AMZ1: variants seen among roughly 807,000 people sequenced by gnomAD.
The protein encoded by AMZ1 is archaelysin family metallopeptidase 1.
In AMZ1, 39 loss-of-function variants were observed where a neutral mutation model predicts 29.9. That is an observed-to-expected ratio of 1.30 (90% CI 1.01 to 1.70). The LOEUF is 1.70. Ranked by LOEUF, AMZ1 falls within the 40% of genes most tolerant of loss-of-function variation. AMZ1 has a pLI of 0.00. For synonymous variants in AMZ1, 458 were observed against 304.0 expected (o/e 1.51, Z -5.27); for missense variants, 1,041 against 680.6 (o/e 1.53, Z -5.89).
At chr7:2,764,237 CTAATT>C (rs1191714360), upstream of AMZ1, among the ~76,000 whole-genome samples, 3 of 145,136 alleles carry the variant, frequency 2.1e-5, no homozygotes, top group Non-Finnish European at 4.6e-5. Flanking sequence ...CTATCCCCAG[CTAATT>C]TCTTTTTTTT....
intron 4 of AMZ1, among the ~76,000 whole-genome samples, chr7:2,757,574 G>T (rs35204498): frequency 6.6e-6 from 1 of 152,228 alleles, no homozygotes; most frequent in African/African-American, 2.4e-5. Flanking sequence ...ACCAGCCTGC[G>T]AGGTTCCGAG....
intron 3 of AMZ1, among the ~76,000 whole-genome samples, chr7:2,707,424 C>T (rs897392945): frequency 3.9e-5 from 6 of 152,160 alleles, no homozygotes; most frequent in African/African-American, 9.7e-5. Flanking sequence ...AGACCCTCTC[C>T]GGGTTTCCTG....
At chr7:2,736,060 G>A (rs1406103189) in intron 4 of AMZ1, among the ~76,000 whole-genome samples, 1 of 152,162 alleles carries the variant, frequency 6.6e-6, no homozygotes, top group Non-Finnish European at 1.5e-5. Flanking sequence ...GTTTGCGACG[G>A]ACTCCTCAAG....
chr7:2,731,595 C>T lies in AMZ1; in HGVS notation n.550+21779C>T. The T allele has an allele frequency of 1.2e-6, 2 of 1,613,748 alleles. No individual in the cohort carries two copies. Among genetic ancestry groups the T allele is most frequent in the Non-Finnish European group, 1.7e-6 (2 of 1,179,814 alleles). On this transcript the variant is annotated intron_variant and non_coding_transcript_variant, in intron 4 of 4. Coordinates refer to the AMZ1 transcript ENST00000489665. The surrounding 1 kb of genome is among the most constrained non-coding windows in gnomAD (Gnocchi z 6.0). The stretch of plus-strand genomic sequence containing the variant: ...AGACCATGAACAGGATGGACGTGAT[C>T]CCGTCGAAGCACTGGAACCACTTCT...
At chr7:2,708,558 T>G (rs1319042142) in intron 3 of AMZ1, 30 bp from the exon 4 acceptor site, 1 of 1,610,284 alleles carries the variant, frequency 6.2e-7, no homozygotes, top group Non-Finnish European at 8.5e-7. Context: ...GGCTGCCTCC[T>G]GACCCCATCC....
chr7:2,718,871 G>C lies in AMZ1; in HGVS notation c.*5993G>C, dbSNP rs1789286441. 6.6e-6 allele frequency among the ~76,000 whole-genome samples: 1 copy of C among 152,192 alleles called. No homozygotes were observed. The highest frequency in any genetic ancestry group is 1.5e-5 in the Non-Finnish European group (1 of 68,042). ...GGAGTCACAGAAACCACGGGAAACG[G>C]AGTGGGTTGGAAGAGGCAGAGAACA... On this transcript the variant is annotated 3_prime_UTR_variant, in exon 7 of 7. Coordinates refer to ENST00000683327, the MANE Select transcript of AMZ1 (RefSeq NM_001384743.1).
Position 2,746,879 on chromosome 7 carries a change from T to C in AMZ1, n.551-17833T>C, listed in dbSNP as rs573882418. 5.3e-5 allele frequency among the ~76,000 whole-genome samples: 8 copies of C among 152,340 alleles called. No homozygotes were observed. In the East Asian group the frequency reaches 1.3e-3, roughly 26 times the overall value. On this transcript the variant is annotated intron_variant and non_coding_transcript_variant, in intron 4 of 4. Coordinates refer to the AMZ1 transcript ENST00000489665. ...AGAAATACAAACTACCATCAGAGAATACTATCAACACCTCTACGCAAATAA... is the reference window on the plus strand; with the variant it reads ...AGAAATACAAACTACCATCAGAGAACACTATCAACACCTCTACGCAAATAA...
In AMZ1 at chr7:2,712,774, A is replaced by C. The variant is rs779801105; in HGVS notation, c.1393A>C (p.Lys465Gln). The C allele has an allele frequency of 1.4e-5, 23 of 1,589,504 alleles. No individual in the cohort carries two copies. The Admixed American group carries it at 2.0e-4, about 14-fold the overall frequency. Residue 465 changes from lysine to glutamine, a missense_variant, in exon 7 of 7, where the codon AAG (lysine) becomes CAG (glutamine). By Grantham distance (53) the Lys-to-Gln change is moderately conservative. Transcript: ENST00000683327. Reference protein sequence around the residue: ...PSSRDSVGLRKVLGDKFSSLR... With the variant: ...PSSRDSVGLRQVLGDKFSSLR... ...CAGCAGGGACAGCGTGGGGCTGCGC[A>C]AGGTGCTGGGGGACAAGTTCTCCTC... is the stretch of plus-strand genomic sequence containing the variant.
rs147393683 is a variant in AMZ1 at position 2,681,462 on chromosome 7, T to G, written c.-219+1791T>G. On this transcript the variant is annotated intron_variant, in intron 1 of 6. Coordinates refer to the AMZ1 transcript ENST00000312371. ...TTGTAGAGATGGGGGTGTCTTGCTA[T>G]CCTGCCCAGGCTGCTCTCAAACTCC... is the stretch of plus-strand genomic sequence containing the variant. Among the ~76,000 whole-genome samples, 807 of 152,202 alleles carry G rather than the reference T, an allele frequency of 5.3e-3. 6 individuals are homozygous for G. The highest frequency in any genetic ancestry group is 0.021 in the South Asian group (103 of 4,810).
intron 1 of AMZ1, among the ~76,000 whole-genome samples, chr7:2,698,451 T>C (rs1434084348): frequency 6.6e-6 from 1 of 151,946 alleles, no homozygotes; most frequent in Non-Finnish European, 1.5e-5. Context: ...GGCAGCAGAA[T>C]TGCTTGAACC....
chr7:2,707,295 AAC>A (rs1168115106), intron 3 of AMZ1, among the ~76,000 whole-genome samples: 12 of 149,130 alleles, frequency 8.0e-5, no homozygotes, highest in East Asian at 1.9e-4. Flanking sequence ...AAAACAAAAA[AAC>A]ACACACACAC....
intron 1 of AMZ1, among the ~76,000 whole-genome samples, chr7:2,681,187 G>A (rs147971293): frequency 1.4e-3 from 211 of 152,232 alleles, no homozygotes; most frequent in East Asian, 4.3e-3. Context: ...CCTGGCTAGC[G>A]TGCGCCTGGC....
At chr7:2,689,743 TAGC>T (rs1200720090) in intron 1 of AMZ1, among the ~76,000 whole-genome samples, 4 of 152,206 alleles carry the variant, frequency 2.6e-5, no homozygotes, top group African/African-American at 7.2e-5. Context: ...TGACTGCAGT[TAGC>T]AGAGGAGGGG....
chr7:2,729,597 G>C (rs1322984844), intron 4 of AMZ1: 1 of 152,358 alleles, frequency 6.6e-6, no homozygotes, highest in Non-Finnish European at 1.5e-5. Context: ...TCTGCCCCAA[G>C]GGCTTGCGTT....
intron 4 of AMZ1, among the ~76,000 whole-genome samples, chr7:2,747,028 T>C (rs1337305138): frequency 2.6e-5 from 4 of 152,134 alleles, no homozygotes; most frequent in South Asian, 4.1e-4. Context: ...CAATAATCAA[T>C]AGCTTACCAA....
upstream of AMZ1, chr7:2,762,528 T>G: frequency 8.6e-7 from 1 of 1,163,456 alleles, no homozygotes; most frequent in Non-Finnish European, 1.2e-6. Context: ...CAAAAGCAGT[T>G]CCACCACGCC....
At chr7:2,754,519 G>C (rs1354589220) in intron 4 of AMZ1, among the ~76,000 whole-genome samples, 1 of 151,628 alleles carries the variant, frequency 6.6e-6, no homozygotes, top group South Asian at 2.1e-4. Flanking sequence ...AGGGCAGGAA[G>C]ATCCCTTGAG....
At chr7:2,720,481 G>A (rs189232953), downstream of AMZ1, among the ~76,000 whole-genome samples, 50 of 151,764 alleles carry the variant, frequency 3.3e-4, no homozygotes, top group Non-Finnish European at 7.4e-5. Context: ...TTGGCTCACT[G>A]CAACCTCCGC....
chr7:2,739,873 G>T (rs543825630), intron 4 of AMZ1, among the ~76,000 whole-genome samples: 3 of 152,028 alleles, frequency 2.0e-5, no homozygotes, highest in Non-Finnish European at 4.4e-5. Flanking sequence ...GGGTTTCACC[G>T]TGTTGGCCAG....
Sources: allele counts gnomAD v4.1 joint callset (sites outside exome capture counted in the v4.1 genomes callset), GRCh38; gene constraint gnomAD v4.1.1; non-coding constraint Gnocchi (gnomAD v3.1); transcripts MANE v1.5; gene names NCBI Gene and HGNC (gene_info 2026-07-23, HGNC 2026-07-21).